The following CHM variants were observed in gnomAD, a reference collection of about 807,000 sequenced individuals.
CHM encodes the protein rab proteins geranylgeranyltransferase component A 1.
A neutral mutation model predicts 49.0 loss-of-function variants in CHM; 10 were observed. That is an observed-to-expected ratio of 0.20 (90% CI 0.13 to 0.35). The LOEUF is 0.35. Among genes scored for constraint, CHM ranks in the 10% least tolerant of loss-of-function variants. The pLI is 1.00. For synonymous variants in CHM, 184 were observed against 167.5 expected (o/e 1.10, Z -0.76); for missense variants, 455 against 478.4 (o/e 0.95, Z 0.46).
chrX:85,902,651 T>C (rs909056558), intron 9 of CHM, among the ~76,000 whole-genome samples: 6 of 111,611 alleles, frequency 5.4e-5, no homozygotes, highest in Non-Finnish European at 1.1e-4. Flanking sequence ...AGAAAATAGA[T>C]CTGAAGTATT....
chrX:85,981,836 AGTAAAG>A, intron 2 of CHM, 27 bp from the exon 3 acceptor site: 5 of 1,007,810 alleles, frequency 5.0e-6, no homozygotes, highest in African/African-American at 1.9e-5. Flanking sequence ...AAAAAAAAAA[AGTAAAG>A]AAAATGGTAT....
intron 12 of CHM, among the ~76,000 whole-genome samples, chrX:85,893,194 T>G (rs918823418): frequency 8.9e-6 from 1 of 111,838 alleles, no homozygotes; most frequent in African/African-American, 3.2e-5. Context: ...ATCAGGTATC[T>G]CACCTTCTGC....
chrX:86,018,767 G>A (rs1295008648), intron 2 of CHM, among the ~76,000 whole-genome samples: 1 of 112,004 alleles, frequency 8.9e-6, no homozygotes, highest in Non-Finnish European at 1.9e-5. Flanking sequence ...GAAACAGGCT[G>A]AGTGAAAAAG....
chrX:85,865,821 G>A (rs922494985), intron 14 of CHM, among the ~76,000 whole-genome samples: 4 of 112,041 alleles, frequency 3.6e-5, no homozygotes, highest in African/African-American at 1.3e-4. Flanking sequence ...CTGCCCTAGA[G>A]ATCTGTGAAA....
intron 8 of CHM, among the ~76,000 whole-genome samples, chrX:85,915,447 C>T (rs147596426): frequency 0.016 from 1,761 of 111,575 alleles, 19 homozygotes; most frequent in Admixed American, 0.046. Flanking sequence ...GAAATTCTGG[C>T]CAGGGCAGTC....
rs200070574 is a variant in CHM at position 86,010,365 on chromosome X, AAAAG to A, written c.116+17122_116+17125del. The stretch of plus-strand genomic sequence containing the variant: ...ACTTAAAGGATAATTAAAAAAAAAA[AAAAG>A]AAAGAAAAAAATTGGTGAAATTCAA... On this transcript the variant is annotated intron_variant, in intron 2 of 14. Coordinates refer to ENST00000357749, the MANE Select transcript of CHM (RefSeq NM_000390.4). Among the ~76,000 whole-genome samples the A allele has an allele frequency of 8.2e-3, 897 of 109,524 alleles. 14 individuals carry two copies. Among genetic ancestry groups the A allele is most frequent in the African/African-American group, 0.028 (845 of 30,099 alleles).
At chrX:85,922,470 C>T (rs1264661988) in intron 8 of CHM, among the ~76,000 whole-genome samples, 3 of 112,441 alleles carry the variant, frequency 2.7e-5, no homozygotes, top group Non-Finnish European at 5.6e-5. Flanking sequence ...TATGCCATAG[C>T]ATCATCTCTC....
chrX:85,885,771 G>A (rs957607226), intron 12 of CHM, among the ~76,000 whole-genome samples: 1 of 110,490 alleles, frequency 9.1e-6, no homozygotes, highest in African/African-American at 3.3e-5. Context: ...AAGTTTTAGG[G>A]CAAGGGAAGG....
At chrX:86,033,710 T>C (rs1332654235) in intron 1 of CHM, among the ~76,000 whole-genome samples, 1 of 111,906 alleles carries the variant, frequency 8.9e-6, no homozygotes, top group Non-Finnish European at 1.9e-5. Flanking sequence ...GTCTACTTTT[T>C]AGTGGCTACC....
At chrX:86,027,942 T>C (rs887513540) in intron 1 of CHM, among the ~76,000 whole-genome samples, 1 of 111,314 alleles carries the variant, frequency 9.0e-6, no homozygotes, top group African/African-American at 3.3e-5. Context: ...TTTGTATTTT[T>C]AGTAGAGACA....
At chrX:85,916,665 T>C (rs781487339) in intron 8 of CHM, among the ~76,000 whole-genome samples, 7 of 112,069 alleles carry the variant, frequency 6.2e-5, no homozygotes, top group Non-Finnish European at 1.1e-4. Flanking sequence ...AAAGAAGACA[T>C]ACATGCAGCC....
chrX:85,991,278 T>G (rs1225018040), intron 2 of CHM, among the ~76,000 whole-genome samples: 1 of 112,045 alleles, frequency 8.9e-6, no homozygotes, highest in African/African-American at 3.2e-5. Context: ...GAGGACACTA[T>G]GACTTGTCTG....
chrX:85,928,239 T>A lies in CHM; in HGVS notation c.1167-16901A>T. On this transcript the variant is annotated intron_variant, in intron 8 of 14. Coordinates refer to ENST00000357749, the MANE Select transcript of CHM (RefSeq NM_000390.4). ...CTATTATATACATATGCATTCGTACTAATTTTAAATTATAAAAATAGGGCC... is the reference window on the plus strand; with the variant it reads ...CTATTATATACATATGCATTCGTACAAATTTTAAATTATAAAAATAGGGCC... Among the ~76,000 whole-genome samples, 3 of 112,367 alleles carry A rather than the reference T, an allele frequency of 2.7e-5. 1 individual carries two copies. In the Middle Eastern group the frequency reaches 0.014, roughly 515 times the overall value.
intron 1 of CHM, among the ~76,000 whole-genome samples, chrX:86,041,584 C>T (rs1395417646): frequency 1.9e-5 from 2 of 107,760 alleles, no homozygotes; most frequent in African/African-American, 3.4e-5. Context: ...TTTTGAAATA[C>T]CATTTCACTC....
chrX:85,982,386 T>C (rs142612670), intron 2 of CHM, among the ~76,000 whole-genome samples: 1,330 of 111,764 alleles, frequency 0.012, 48 homozygotes, highest in Admixed American at 0.09. Flanking sequence ...TAAAAGGAGA[T>C]ACTGGGAAAC....
At chrX:85,874,400 A>T (rs1372476880) in intron 13 of CHM, among the ~76,000 whole-genome samples, 12 of 111,592 alleles carry the variant, frequency 1.1e-4, no homozygotes, top group African/African-American at 3.6e-4. Flanking sequence ...CAAGACCATG[A>T]GGCACCTCAT....
intron 14 of CHM, 90 bp from the exon 15 acceptor site, chrX:85,864,911 T>A (rs1923591753): frequency 1.1e-6 from 1 of 915,457 alleles, no homozygotes; most frequent in African/African-American, 2.0e-5. Flanking sequence ...AAATAAGTGT[T>A]TTATCCTTAA....
chrX:85,955,222 T>C (rs994101119), intron 8 of CHM, among the ~76,000 whole-genome samples: 4 of 111,490 alleles, frequency 3.6e-5, no homozygotes, highest in African/African-American at 1.3e-4. Context: ...AATGATTTAA[T>C]TGTACATGTT....
At chrX:86,015,172 AC>A (rs1487585839) in intron 2 of CHM, among the ~76,000 whole-genome samples, 1 of 110,541 alleles carries the variant, frequency 9.0e-6, no homozygotes, top group East Asian at 2.8e-4. Flanking sequence ...TGTGGGAGGG[AC>A]CCGGTGGGAG....
Sources: gnomAD v4.1 joint callset for allele counts (sites outside exome capture counted in the v4.1 genomes callset) on GRCh38, gnomAD v4.1.1 for gene constraint, MANE v1.5 for transcripts, NCBI Gene and HGNC (gene_info 2026-07-23, HGNC 2026-07-21) for gene names.